The following CRADD variants were observed in gnomAD, a reference collection of about 807,000 sequenced individuals.
CRADD encodes death domain-containing protein CRADD.
In CRADD, 9 loss-of-function variants were observed where a neutral mutation model predicts 15.5. The ratio of observed to expected loss-of-function variants is 0.58; its 90% CI spans 0.35 to 1.01. CRADD has a LOEUF of 1.01. Among genes scored for constraint, CRADD ranks in the 50% least tolerant of loss-of-function variants. The pLI, the probability that CRADD is intolerant of heterozygous loss-of-function variation, is 0.02. For synonymous variants in CRADD, 118 were observed against 107.6 expected, an observed-to-expected ratio of 1.10 and a Z score of -0.60; for missense variants, 227 against 250.3, an observed-to-expected ratio of 0.91 and a Z score of 0.63.
In CRADD at chr12:93,754,977, A is replaced by G. The variant is rs200996239; in HGVS notation, c.298+75905A>G. ...CTGGGTAATTCATTAAAAAAAAAAA[A>G]GGGTTTAGTGGATTCACAGTTCCAC... On this transcript the variant is annotated intron_variant, in intron 2 of 2. Transcript: ENST00000332896. Among the ~76,000 whole-genome samples, 43 of 151,566 alleles carry G rather than the reference A, an allele frequency of 2.8e-4. No homozygotes were observed. The East Asian group carries it at 7.4e-3, about 26-fold the overall frequency.
chr12:93,880,993 A>C (rs924554303), intron 2 of CRADD, among the ~76,000 whole-genome samples: 2 of 152,238 alleles, frequency 1.3e-5, no homozygotes, highest in Non-Finnish European at 2.9e-5. Context: ...CACCAAATTG[A>C]GCATTTAGCA....
chr12:93,801,883 C>T (rs994962189), intron 2 of CRADD, among the ~76,000 whole-genome samples: 1 of 152,172 alleles, frequency 6.6e-6, no homozygotes, highest in African/African-American at 2.4e-5. Flanking sequence ...CCCCAAAGTC[C>T]ATTACATCAT....
At chr12:93,705,576 C>T (rs1955929200) in intron 2 of CRADD, among the ~76,000 whole-genome samples, 1 of 152,186 alleles carries the variant, frequency 6.6e-6, no homozygotes, top group Admixed American at 6.5e-5. Context: ...CTTGGTGATA[C>T]AGAAGGTGCA....
chr12:93,716,751 A>G (rs959993690), intron 2 of CRADD, among the ~76,000 whole-genome samples: 1 of 152,206 alleles, frequency 6.6e-6, no homozygotes, highest in Non-Finnish European at 1.5e-5. Flanking sequence ...TTGTCTGGAT[A>G]TCACCGTTTA....
chr12:93,713,630 T>A (rs1415169313), intron 2 of CRADD, among the ~76,000 whole-genome samples: 3 of 152,160 alleles, frequency 2.0e-5, no homozygotes, highest in Non-Finnish European at 4.4e-5. Flanking sequence ...ACGTTTTTTT[T>A]AATGGTTGTA....
intron 2 of CRADD, among the ~76,000 whole-genome samples, chr12:93,798,588 C>G (rs1380427090): frequency 6.6e-6 from 1 of 152,154 alleles, no homozygotes; most frequent in Non-Finnish European, 1.5e-5. Flanking sequence ...GCAGTTAGAT[C>G]TGAACTCAAA....
chr12:93,801,530 C>G (rs1957476556), intron 2 of CRADD, among the ~76,000 whole-genome samples: 1 of 152,002 alleles, frequency 6.6e-6, no homozygotes. Context: ...TCCTGAGTAG[C>G]TGGGATTACA....
At chr12:93,825,336 C>G (rs574199462) in intron 2 of CRADD, among the ~76,000 whole-genome samples, 1 of 152,352 alleles carries the variant, frequency 6.6e-6, no homozygotes, top group Non-Finnish European at 1.5e-5. Context: ...CAGACAGGCT[C>G]TGTCACTTAC....
At chr12:93,742,243 C>T (rs546058208) in intron 2 of CRADD, among the ~76,000 whole-genome samples, 1 of 152,304 alleles carries the variant, frequency 6.6e-6, no homozygotes, top group East Asian at 1.9e-4. Flanking sequence ...GAGGCATCTG[C>T]TGTTTTGTTT....
intron 2 of CRADD, chr12:93,733,459 T>C (rs1956506012): frequency 1.3e-5 from 2 of 152,334 alleles, no homozygotes; most frequent in Admixed American, 1.3e-4. Flanking sequence ...GTTTCATTTC[T>C]CACAATCGCC....
intron 2 of CRADD, among the ~76,000 whole-genome samples, chr12:93,710,201 G>A (rs1242349744): frequency 6.6e-6 from 1 of 152,078 alleles, no homozygotes; most frequent in African/African-American, 2.4e-5. Context: ...TTACTCTCAT[G>A]TTTCCTGTTG....
At chr12:93,833,820 G>T (rs1957939809) in intron 2 of CRADD, among the ~76,000 whole-genome samples, 1 of 96,024 alleles carries the variant, frequency 1.0e-5, no homozygotes, top group Non-Finnish European at 2.4e-5. Flanking sequence ...TTTTCATTTT[G>T]TGTTTTTTTT....
At chr12:93,844,152 T>C (rs1958084514) in intron 2 of CRADD, among the ~76,000 whole-genome samples, 1 of 152,254 alleles carries the variant, frequency 6.6e-6, no homozygotes, top group South Asian at 2.1e-4. Flanking sequence ...CATATTAAAA[T>C]AGATGACTAT....
chr12:93,710,345 CTTTT>C (rs34912218), intron 2 of CRADD, among the ~76,000 whole-genome samples: 3 of 128,282 alleles, frequency 2.3e-5, no homozygotes. Context: ...TTTCCTTTTC[CTTTT>C]TTTTTTTTTT....
chr12:93,769,846 G>T (rs908495031), intron 2 of CRADD, among the ~76,000 whole-genome samples: 3 of 152,178 alleles, frequency 2.0e-5, no homozygotes, highest in Non-Finnish European at 4.4e-5. Flanking sequence ...CCATAGAACT[G>T]TCAGACATTT....
intron 2 of CRADD, among the ~76,000 whole-genome samples, chr12:93,784,626 T>C (rs1244480471): frequency 6.6e-6 from 1 of 152,082 alleles, no homozygotes; most frequent in Non-Finnish European, 1.5e-5. Context: ...TTTTCAGCTT[T>C]GCAGATGTCT....
intron 2 of CRADD, among the ~76,000 whole-genome samples, chr12:93,759,766 C>T (rs1010024139): frequency 2.0e-5 from 3 of 152,002 alleles, no homozygotes; most frequent in African/African-American, 7.3e-5. Flanking sequence ...AAAAAAGCAC[C>T]AGGAAATACA....
intron 2 of CRADD, among the ~76,000 whole-genome samples, chr12:93,837,086 C>G (rs1270861226): frequency 1.3e-5 from 2 of 152,050 alleles, no homozygotes; most frequent in African/African-American, 4.8e-5. Flanking sequence ...GTGCAAGGCT[C>G]TCTGGTTCGC....
intron 2 of CRADD, among the ~76,000 whole-genome samples, chr12:93,725,076 G>C (rs1054412370): frequency 4.6e-5 from 7 of 152,078 alleles, no homozygotes; most frequent in Middle Eastern, 3.2e-3. Context: ...TAGCCAGGAT[G>C]GTCTCGATCT....
Sources: allele counts gnomAD v4.1 joint callset (sites outside exome capture counted in the v4.1 genomes callset), GRCh38; gene constraint gnomAD v4.1.1; transcripts MANE v1.5; gene names NCBI Gene and HGNC (gene_info 2026-07-23, HGNC 2026-07-21).